The following MAP4K2 variants were observed in gnomAD, a reference collection of about 807,000 sequenced individuals.
MAP4K2 encodes the protein mitogen-activated protein kinase kinase kinase kinase 2, also known as B lymphocyte serine/threonine protein kinase.
Under a neutral mutation model 125.3 loss-of-function variants are expected in MAP4K2, and 85 were observed. The ratio of observed to expected loss-of-function variants is 0.68; its 90% CI spans 0.57 to 0.81. MAP4K2 has a LOEUF of 0.81. MAP4K2 is among the 40% of genes least tolerant of loss of function. The pLI, the probability that MAP4K2 is intolerant of heterozygous loss-of-function variation, is 0.00. For missense variants in MAP4K2, 923 were observed against 1,056.4 expected (o/e 0.87, Z 1.75); for synonymous variants, 479 against 445.1 (o/e 1.08, Z -0.96).
At chr11:64,797,698 CT>C in intron 15 of MAP4K2, 34 bp from the exon 16 acceptor site, 1 of 1,368,424 alleles carries the variant, frequency 7.3e-7, no homozygotes, top group Non-Finnish European at 9.6e-7. Flanking sequence ...AGAGGTCAAC[CT>C]TTCCTTTTTT....
rs1324395422 is a variant in MAP4K2, at chr11:64,791,959, T to C, written c.2042A>G (p.His681Arg). 2 of 1,606,826 alleles carry C rather than the reference T, an allele frequency of 1.2e-6. No individual in the cohort carries two copies. Among genetic ancestry groups the C allele is most frequent in the South Asian group, 1.1e-5 (1 of 89,762 alleles). The change falls in exon 27 of 32, where the codon CAT becomes CGT. Residue 681 changes from histidine to arginine, a missense_variant. By Grantham distance (29) the His-to-Arg change is conservative. This residue lies in a region of MAP4K2 where 833 missense variants were observed against 911.4 expected (regional missense o/e 0.91). Coordinates refer to ENST00000294066, the MANE Select transcript of MAP4K2 (RefSeq NM_004579.5). ...PEGPGCRVLF[H>R]VLPLEAGLTP... ...CAGGCCAGCCTCCAGGGGCAGGACATGGAACAGGACGCGGCAGCCGGGCCC... is the reference window on the plus strand; with the variant it reads ...CAGGCCAGCCTCCAGGGGCAGGACACGGAACAGGACGCGGCAGCCGGGCCC...
At chr11:64,793,617 C>CCAGGA (rs1940626617) in intron 24 of MAP4K2, among the ~76,000 whole-genome samples, 1 of 152,172 alleles carries the variant, frequency 6.6e-6, no homozygotes, top group African/African-American at 2.4e-5. Context: ...GTACCTTCTG[C>CCAGGA]CAGGACATGG....
chr11:64,795,919 C>T (rs2136043890), intron 24 of MAP4K2, among the ~76,000 whole-genome samples: 1 of 151,982 alleles, frequency 6.6e-6, no homozygotes, highest in East Asian at 1.9e-4. Flanking sequence ...GCCCATCTCC[C>T]CCATTTCTTG....
At chr11:64,797,046 G>A in intron 19 of MAP4K2, 23 bp from the exon 20 acceptor site, 1 of 1,614,102 alleles carries the variant, frequency 6.2e-7, no homozygotes, top group Non-Finnish European at 8.5e-7. Flanking sequence ...AAAGGAGTCA[G>A]GGCTGATATG....
intron 17 of MAP4K2, 59 bp from the exon 18 acceptor site, chr11:64,797,439 C>T: frequency 1.3e-6 from 2 of 1,557,216 alleles, no homozygotes; most frequent in Non-Finnish European, 1.7e-6. Context: ...AACCACATCC[C>T]ACTCCAATCG....
chr11:64,793,346 G>A (rs575208493), intron 24 of MAP4K2, among the ~76,000 whole-genome samples: 4 of 152,332 alleles, frequency 2.6e-5, no homozygotes, highest in East Asian at 1.9e-4. Flanking sequence ...AAACAGGCCC[G>A]GGGCAGTGAA....
At chr11:64,798,406 C>T (rs1411238743) in intron 15 of MAP4K2, among the ~76,000 whole-genome samples, 7 of 152,096 alleles carry the variant, frequency 4.6e-5, no homozygotes, top group African/African-American at 9.7e-5. Flanking sequence ...CCTTGGGATC[C>T]GCCCACCTCG....
intron 4 of MAP4K2, 47 bp downstream of exon 4, chr11:64,802,372 G>T: frequency 2.0e-6 from 3 of 1,485,120 alleles, no homozygotes; most frequent in Non-Finnish European, 2.7e-6. Context: ...GTGGGGTAGG[G>T]GTGGGGGAAG....
intron 24 of MAP4K2, among the ~76,000 whole-genome samples, chr11:64,794,223 G>A (rs1246054704): frequency 6.6e-6 from 1 of 152,240 alleles, no homozygotes; most frequent in African/African-American, 2.4e-5. Flanking sequence ...TCCACCTTCA[G>A]CTGATGACAG....
In MAP4K2 at chr11:64,789,133, G is replaced by C. The variant is rs1248051448; in HGVS notation, c.*404C>G. 4.5e-6 allele frequency: 1 copy of C among 221,398 alleles called. No individual in the cohort carries two copies. Among genetic ancestry groups the C allele is most frequent in the Admixed American group, 5.2e-5 (1 of 19,136 alleles). 13.7% of individuals were successfully genotyped at this position (221,398 alleles called of 1,614,324 possible). A position where few individuals can be genotyped will look rare whatever the true frequency, so the allele number is the denominator to read the frequency against. Reference sequence around the variant, plus strand: ...ACTCCCCCTACCCAGAGGGACCAGAGGACTAAAACAAACCAGCTTTAATAC... The same window carrying C: ...ACTCCCCCTACCCAGAGGGACCAGACGACTAAAACAAACCAGCTTTAATAC... On this transcript the variant is annotated 3_prime_UTR_variant, in exon 32 of 32. Coordinates refer to ENST00000294066, the MANE Select transcript of MAP4K2 (RefSeq NM_004579.5).
Position 64,791,929 on chromosome 11 carries a change from G to A in MAP4K2, c.2072C>T (p.Pro691Leu), listed in dbSNP as rs747021827. 23 of 1,596,694 alleles carry A rather than the reference G, an allele frequency of 1.4e-5. No homozygotes were observed. The South Asian group carries it at 2.5e-4, about 17-fold the overall frequency. Residue 691 changes from proline to leucine, a missense_variant, in exon 27 of 32, where the codon CCC (proline) becomes CTC (leucine). Pro to Leu is a moderately conservative substitution (Grantham distance 98, BLOSUM62 -3). Coordinates refer to ENST00000294066, the MANE Select transcript of MAP4K2 (RefSeq NM_004579.5). ...CTCACCAGGTGGGATGAGGATGTCGGGCGTCAGGCCAGCCTCCAGGGGCAG... is the reference window on the plus strand; with the variant it reads ...CTCACCAGGTGGGATGAGGATGTCGAGCGTCAGGCCAGCCTCCAGGGGCAG... ...HVLPLEAGLT[P>L]DILIPPEGIP...
chr11:64,802,275 TG>T, intron 4 of MAP4K2, 143 bp downstream of exon 4: 2 of 1,080,692 alleles, frequency 1.9e-6, no homozygotes, highest in Non-Finnish European at 2.7e-6. Context: ...AACCCAGAGA[TG>T]GACAGTATTT....
intron 24 of MAP4K2, among the ~76,000 whole-genome samples, chr11:64,795,521 C>T (rs1940743470): frequency 6.6e-6 from 1 of 152,134 alleles, no homozygotes; most frequent in African/African-American, 2.4e-5. Context: ...CTGTCTCAGC[C>T]TCCCGAGTAG....
intron 26 of MAP4K2, 42 bp from the exon 27 acceptor site, chr11:64,792,128 C>T: frequency 6.3e-7 from 1 of 1,583,694 alleles, no homozygotes; most frequent in Admixed American, 1.8e-5. Flanking sequence ...TTTCTCCCCC[C>T]AGAGCTCTGA....
At chr11:64,799,236 T>G (rs976916929) in intron 14 of MAP4K2, among the ~76,000 whole-genome samples, 185 bp downstream of exon 14, 8 of 152,100 alleles carry the variant, frequency 5.3e-5, no homozygotes, top group African/African-American at 1.9e-4. Flanking sequence ...TAAAAGAACT[T>G]GGCCCAGGAA....
At chr11:64,796,602 G>C in intron 22 of MAP4K2, 32 bp downstream of exon 22, 1 of 1,613,902 alleles carries the variant, frequency 6.2e-7, no homozygotes, top group Non-Finnish European at 8.5e-7. Context: ...CCCCCACAAG[G>C]CCTCTGCCCC....
chr11:64,801,335 C>T, intron 7 of MAP4K2, 152 bp from the exon 8 acceptor site: 1 of 1,058,906 alleles, frequency 9.4e-7, no homozygotes, highest in East Asian at 2.6e-5. Flanking sequence ...AAGGCCAGGT[C>T]CCTCTCCTGA....
intron 24 of MAP4K2, among the ~76,000 whole-genome samples, chr11:64,794,938 A>G (rs1940703839): frequency 1.3e-5 from 2 of 151,934 alleles, no homozygotes; most frequent in Admixed American, 6.6e-5. Flanking sequence ...CCAGGCTTCA[A>G]TGCAGTGGTA....
intron 24 of MAP4K2, among the ~76,000 whole-genome samples, chr11:64,793,885 G>A (rs995399525): frequency 1.1e-4 from 16 of 152,270 alleles, no homozygotes; most frequent in East Asian, 1.9e-4. Context: ...TAGGTCCTGC[G>A]CCAAAGCAGA....
Sources: gnomAD v4.1 joint callset for allele counts (sites outside exome capture counted in the v4.1 genomes callset) on GRCh38, gnomAD v4.1.1 for gene constraint, gnomAD v4.1.1 regional missense constraint, MANE v1.5 for transcripts, NCBI Gene and HGNC (gene_info 2026-07-23, HGNC 2026-07-21) for gene names.